Variants in MEF2A observed in about 807,000 individuals in gnomAD.
MEF2A encodes the protein myocyte-specific enhancer factor 2A.
A neutral mutation model predicts 55.8 loss-of-function variants in MEF2A; 28 were observed. The ratio of observed to expected loss-of-function variants is 0.50; its 90% CI spans 0.37 to 0.69. The LOEUF is 0.69. MEF2A is among the 30% of genes least tolerant of loss of function. The probability of loss-of-function intolerance (pLI) is 0.00; values close to 1 mark genes in which losing one functional copy is unlikely to be tolerated. For synonymous variants in MEF2A, 239 were observed against 227.1 expected (o/e 1.05, Z -0.47); for missense variants, 528 against 626.2 (o/e 0.84, Z 1.67).
intron 7 of MEF2A, among the ~76,000 whole-genome samples, chr15:99,689,783 A>G (rs1452229743): frequency 6.6e-6 from 1 of 152,056 alleles, no homozygotes; most frequent in African/African-American, 2.4e-5. Context: ...ACCTGGCCAG[A>G]AATGTGTTGT....
intron 4 of MEF2A, among the ~76,000 whole-genome samples, chr15:99,649,862 G>C (rs985496600): frequency 6.6e-6 from 1 of 152,104 alleles, no homozygotes; most frequent in African/African-American, 2.4e-5. Flanking sequence ...AAACACCTGA[G>C]AATACTTTTG....
At chr15:99,640,895 T>C (rs151200274) in intron 3 of MEF2A, among the ~76,000 whole-genome samples, 1 of 152,258 alleles carries the variant, frequency 6.6e-6, no homozygotes, top group African/African-American at 2.4e-5. Flanking sequence ...TCAACCTTAC[T>C]GTTTCCTTAT....
At chr15:99,630,832 A>T (rs996659319) in intron 2 of MEF2A, among the ~76,000 whole-genome samples, 8 of 152,262 alleles carry the variant, frequency 5.3e-5, no homozygotes, top group African/African-American at 1.9e-4. Flanking sequence ...GTCTGTCCCT[A>T]TGCCTGATGT....
At chr15:99,708,717 G>T (rs569780237) in intron 10 of MEF2A, among the ~76,000 whole-genome samples, 1 of 152,348 alleles carries the variant, frequency 6.6e-6, no homozygotes, top group South Asian at 2.1e-4. Flanking sequence ...AGCCTGGGGG[G>T]AAGGCACAAG....
intron 1 of MEF2A, among the ~76,000 whole-genome samples, chr15:99,584,643 A>G (rs1252798489): frequency 1.3e-5 from 2 of 152,190 alleles, no homozygotes; most frequent in Admixed American, 1.3e-4. Context: ...GTATAGAGAC[A>G]GAAAGTAGGT....
At chr15:99,599,059 A>G (rs1370579369) in intron 2 of MEF2A, among the ~76,000 whole-genome samples, 1 of 152,174 alleles carries the variant, frequency 6.6e-6, no homozygotes, top group East Asian at 1.9e-4. Flanking sequence ...TGCAAAGCTC[A>G]GGAGGAGACT....
At chr15:99,643,888 G>A (rs1482381009) in intron 3 of MEF2A, among the ~76,000 whole-genome samples, 1 of 152,162 alleles carries the variant, frequency 6.6e-6, no homozygotes, top group African/African-American at 2.4e-5. Flanking sequence ...ACCGTGCCCT[G>A]CTGAGAATTT....
At chr15:99,590,966 A>G (rs780760432) in intron 1 of MEF2A, among the ~76,000 whole-genome samples, 3 of 152,158 alleles carry the variant, frequency 2.0e-5, no homozygotes, top group East Asian at 1.9e-4. Flanking sequence ...TTCATAGACT[A>G]TATCTTAGAG....
chr15:99,581,160 G>C (rs1240281803), intron 1 of MEF2A, among the ~76,000 whole-genome samples: 1 of 152,066 alleles, frequency 6.6e-6, no homozygotes, highest in Non-Finnish European at 1.5e-5. Context: ...TTAGTAAGTA[G>C]TCTGTCAGTA....
At position 99,612,841 on chromosome 15, in the gene MEF2A, T is replaced by C. The variant is rs559586600; in HGVS notation, c.-143+14330T>C. Among the ~76,000 whole-genome samples the C allele has an allele frequency of 7.9e-5, 12 of 152,252 alleles. No individual in the cohort carries two copies. In the South Asian group the frequency reaches 1.2e-3, roughly 16 times the overall value. ...ACCAGAATGTATGTTCTCCCTACTTTGGTGTGTTGAAACTATTTTTCCTTC... is the reference window on the plus strand; with the variant it reads ...ACCAGAATGTATGTTCTCCCTACTTCGGTGTGTTGAAACTATTTTTCCTTC... On this transcript the variant is annotated intron_variant, in intron 2 of 11. Coordinates refer to ENST00000557942, the MANE Select transcript of MEF2A (RefSeq NM_001319206.4).
At chr15:99,573,286 CAAAAAA>C (rs66573508) in intron 1 of MEF2A, among the ~76,000 whole-genome samples, 1 of 86,632 alleles carries the variant, frequency 1.2e-5, no homozygotes. Context: ...GACTCCGTCT[CAAAAAA>C]AAAAAAAAAA....
At chr15:99,633,799 TAAC>T (rs1293945322) in intron 3 of MEF2A, among the ~76,000 whole-genome samples, 1 of 152,230 alleles carries the variant, frequency 6.6e-6, no homozygotes, top group Non-Finnish European at 1.5e-5. Context: ...AATGTTGGCT[TAAC>T]AAACTATGGT....
At chr15:99,691,855 T>G (rs1012672863) in intron 8 of MEF2A, among the ~76,000 whole-genome samples, 5 of 152,226 alleles carry the variant, frequency 3.3e-5, no homozygotes, top group African/African-American at 1.2e-4. Flanking sequence ...GTAGCCTCTA[T>G]TCCACTCCTT....
chr15:99,579,011 C>T (rs746418474), intron 1 of MEF2A, among the ~76,000 whole-genome samples: 10 of 152,142 alleles, frequency 6.6e-5, no homozygotes, highest in Non-Finnish European at 1.0e-4. Context: ...TCAGATGAAA[C>T]CTAACACCAG....
chr15:99,580,258 G>C (rs991869037), intron 1 of MEF2A, among the ~76,000 whole-genome samples: 1 of 152,090 alleles, frequency 6.6e-6, no homozygotes, highest in Non-Finnish European at 1.5e-5. Flanking sequence ...CCCCCTCACA[G>C]TTTTGCATTG....
At chr15:99,627,536 T>A (rs1289485569) in intron 2 of MEF2A, among the ~76,000 whole-genome samples, 1 of 151,990 alleles carries the variant, frequency 6.6e-6, no homozygotes, top group African/African-American at 2.4e-5. Flanking sequence ...TGAAGTTTAT[T>A]TAGGAAAAGT....
At chr15:99,689,448 C>T (rs1160338662) in intron 7 of MEF2A, among the ~76,000 whole-genome samples, 1 of 152,050 alleles carries the variant, frequency 6.6e-6, no homozygotes, top group Non-Finnish European at 1.5e-5. Context: ...TTTTAGTCCC[C>T]AGTATGAGAT....
rs1221594860 is a variant in MEF2A at position 99,713,739 on chromosome 15, T to C, written c.*968T>C. ...GCTTTATCTTGGTTTAACTCTTTAGTTTTATTTTAAGAGGGGAAAACAAAA... is the reference window on the plus strand; with the variant it reads ...GCTTTATCTTGGTTTAACTCTTTAGCTTTATTTTAAGAGGGGAAAACAAAA... On this transcript the variant is annotated 3_prime_UTR_variant, in exon 12 of 12. Transcript: ENST00000557942. The C allele has an allele frequency of 6.6e-6, 1 of 152,162 alleles. No homozygotes were observed. Among genetic ancestry groups the C allele is most frequent in the African/African-American group, 2.4e-5 (1 of 41,442 alleles). 9.4% of individuals were successfully genotyped at this position (152,162 alleles called of 1,614,324 possible).
intron 2 of MEF2A, among the ~76,000 whole-genome samples, chr15:99,606,759 G>T (rs898860706): frequency 6.6e-6 from 1 of 152,152 alleles, no homozygotes; most frequent in East Asian, 1.9e-4. Context: ...TAGGTTATGG[G>T]AACTCAGCCA....
Sources: gnomAD v4.1 joint callset for allele counts (sites outside exome capture counted in the v4.1 genomes callset) on GRCh38, gnomAD v4.1.1 for gene constraint, MANE v1.5 for transcripts, NCBI Gene and HGNC (gene_info 2026-07-23, HGNC 2026-07-21) for gene names.